The following SLC25A36 variants were observed in gnomAD, a reference collection of about 807,000 sequenced individuals.
SLC25A36 encodes epididymis secretory sperm binding protein.
In SLC25A36, 24 loss-of-function variants were observed where a neutral mutation model predicts 35.3. The ratio of observed to expected loss-of-function variants is 0.68; its 90% CI spans 0.49 to 0.96. The LOEUF is 0.96. SLC25A36 is among the 40% of genes least tolerant of loss of function. SLC25A36 has a pLI of 0.00. For synonymous variants in SLC25A36, 141 were observed against 132.2 expected (o/e 1.07, Z -0.46); for missense variants, 294 against 381.1 (o/e 0.77, Z 1.90).
intron 3 of SLC25A36, among the ~76,000 whole-genome samples, chr3:140,960,074 A>T (rs1934588814): frequency 6.6e-6 from 1 of 152,170 alleles, no homozygotes; most frequent in Admixed American, 6.5e-5. Flanking sequence ...ACTAGGAGAT[A>T]TAAAATTACT....
chr3:140,968,545 T>C (rs1461083301), intron 4 of SLC25A36: 5 of 949,830 alleles, frequency 5.3e-6, no homozygotes, highest in South Asian at 9.7e-5. Flanking sequence ...GTTGTTTGCT[T>C]TCTGACATTA....
chr3:140,975,462 C>T (rs1193278759), intron 6 of SLC25A36, among the ~76,000 whole-genome samples: 1 of 152,020 alleles, frequency 6.6e-6, no homozygotes, highest in Non-Finnish European at 1.5e-5. Flanking sequence ...GAACAGATTT[C>T]AAGTAAATAG....
At chr3:140,955,646 T>C (rs1253878864) in intron 1 of SLC25A36, among the ~76,000 whole-genome samples, 1 of 152,134 alleles carries the variant, frequency 6.6e-6, no homozygotes, top group Non-Finnish European at 1.5e-5. Context: ...CATTGTACAG[T>C]TTTCCACGTG....
chr3:140,946,762 G>A (rs555358263), intron 1 of SLC25A36, among the ~76,000 whole-genome samples: 10 of 152,228 alleles, frequency 6.6e-5, no homozygotes, highest in African/African-American at 2.4e-4. Flanking sequence ...GGTGAGGGGA[G>A]ATCAGAAGCT....
At chr3:140,951,119 TTTC>T (rs1197571653) in intron 1 of SLC25A36, among the ~76,000 whole-genome samples, 1 of 152,176 alleles carries the variant, frequency 6.6e-6, no homozygotes, top group African/African-American at 2.4e-5. Flanking sequence ...TCTGCAAGCC[TTTC>T]TTCCTCTTTA....
chr3:140,951,485 A>AT (rs1934321963), intron 1 of SLC25A36, among the ~76,000 whole-genome samples: 1 of 151,560 alleles, frequency 6.6e-6, no homozygotes, highest in Non-Finnish European at 1.5e-5. Flanking sequence ...CGATTTACTT[A>AT]TTTATTTATT....
chr3:140,972,772 A>G (rs1305368953), intron 5 of SLC25A36: 1 of 152,192 alleles, frequency 6.6e-6, no homozygotes, highest in East Asian at 1.9e-4. Context: ...TCTAATAGGT[A>G]TTCAATATCT....
intron 1 of SLC25A36, among the ~76,000 whole-genome samples, chr3:140,947,295 A>G (rs1199179912): frequency 1.3e-5 from 2 of 152,186 alleles, no homozygotes; most frequent in Non-Finnish European, 2.9e-5. Context: ...GGTTTGCTGT[A>G]AAGGGTAGCA....
intron 1 of SLC25A36, among the ~76,000 whole-genome samples, chr3:140,955,946 T>C (rs1050799805): frequency 6.6e-6 from 1 of 152,152 alleles, no homozygotes; most frequent in South Asian, 2.1e-4. Context: ...TCTTGTCTCC[T>C]CCCAAAGCTC....
intron 1 of SLC25A36, among the ~76,000 whole-genome samples, chr3:140,949,466 A>G (rs1934259255): frequency 6.6e-6 from 1 of 152,238 alleles, no homozygotes; most frequent in Non-Finnish European, 1.5e-5. Context: ...AATATTCTAT[A>G]AGATCAATAC....
rs1935116614 is a variant in SLC25A36 at position 140,978,769 on chromosome 3, C to G, written c.*2316C>G. 6.6e-6 allele frequency: 1 copy of G among 151,972 alleles called. No individual in the cohort carries two copies. Among genetic ancestry groups the G allele is most frequent in the African/African-American group, 2.4e-5 (1 of 41,362 alleles). 9.4% of individuals were successfully genotyped at this position (151,972 alleles called of 1,614,324 possible). ...GAAGTTTATTTCAGTTGTATTTTTCCCTAAGCACAATCTGCAATAGTTTAT... is the reference window on the plus strand; with the variant it reads ...GAAGTTTATTTCAGTTGTATTTTTCGCTAAGCACAATCTGCAATAGTTTAT... On this transcript the variant is annotated 3_prime_UTR_variant, in exon 7 of 7. Coordinates refer to ENST00000324194, the MANE Select transcript of SLC25A36 (RefSeq NM_001104647.3).
intron 1 of SLC25A36, among the ~76,000 whole-genome samples, chr3:140,952,385 A>C (rs1289459549): frequency 6.6e-6 from 1 of 152,126 alleles, no homozygotes. Context: ...TCCTGGACTC[A>C]AGTGATGTTA....
chr3:140,948,902 A>T (rs1934240312), intron 1 of SLC25A36, among the ~76,000 whole-genome samples: 1 of 152,144 alleles, frequency 6.6e-6, no homozygotes, highest in South Asian at 2.1e-4. Context: ...GATGGCTGAA[A>T]TTCATCTGCT....
At chr3:140,968,683 C>G in intron 4 of SLC25A36, 1 of 982,428 alleles carries the variant, frequency 1.0e-6, no homozygotes, top group Non-Finnish European at 1.2e-6. Flanking sequence ...TTTTTTCCAG[C>G]CTCAAATTCT....
chr3:140,970,441 T>C (rs1934872194), intron 4 of SLC25A36: 1 of 152,686 alleles, frequency 6.5e-6, no homozygotes, highest in Non-Finnish European at 1.5e-5. Flanking sequence ...TTCCACTATA[T>C]AATCAACTAA....
chr3:140,951,520 C>G (rs1934322860), intron 1 of SLC25A36, among the ~76,000 whole-genome samples: 1 of 152,160 alleles, frequency 6.6e-6, no homozygotes. Flanking sequence ...CTCGCTCTGT[C>G]ACCCAGGCTG....
rs34945410 is a variant in SLC25A36 at position 140,976,608 on chromosome 3, A to C, written c.*155A>C. 2.2e-6 allele frequency: 1 copy of C among 462,258 alleles called. No homozygotes were observed. Among genetic ancestry groups the C allele is most frequent in the Non-Finnish European group, 3.5e-6 (1 of 283,288 alleles). 28.6% of individuals were successfully genotyped at this position (462,258 alleles called of 1,614,324 possible). On this transcript the variant is annotated 3_prime_UTR_variant, in exon 7 of 7. Transcript: ENST00000324194. ...TTGTTGTAGGAATTATAGTAATCACACCACATTACTTGGCCTTTCGGTAAT... is the reference window on the plus strand; with the variant it reads ...TTGTTGTAGGAATTATAGTAATCACCCCACATTACTTGGCCTTTCGGTAAT...
At chr3:140,959,019 C>CTTT (rs1159715371) in intron 2 of SLC25A36, among the ~76,000 whole-genome samples, 4,896 of 78,522 alleles carry the variant, frequency 0.062, 267 homozygotes, top group East Asian at 0.14. Context: ...TTTTCTTTTT[C>CTTT]TTTTTTTTTT....
intron 1 of SLC25A36, 115 bp from the exon 2 acceptor site, chr3:140,956,412 A>C (rs1934479302): frequency 8.2e-7 from 1 of 1,225,388 alleles, no homozygotes; most frequent in Non-Finnish European, 1.0e-6. Flanking sequence ...TAAAAATTAT[A>C]AATTTTAGTA....
Sources: allele counts gnomAD v4.1 joint callset (sites outside exome capture counted in the v4.1 genomes callset), GRCh38; gene constraint gnomAD v4.1.1; transcripts MANE v1.5; gene names NCBI Gene and HGNC (gene_info 2026-07-23, HGNC 2026-07-21).